Variants in IKZF2 observed in about 807,000 individuals in gnomAD.
The protein encoded by IKZF2 is zinc finger protein Helios.
A neutral mutation model predicts 49.2 loss-of-function variants in IKZF2; 15 were observed. That is an observed-to-expected ratio of 0.30 (90% confidence interval 0.20 to 0.47). IKZF2 has a LOEUF of 0.47. Among genes scored for constraint, IKZF2 ranks in the 20% least tolerant of loss-of-function variants. The pLI, the probability that IKZF2 is intolerant of heterozygous loss-of-function variation, is 1.00. For synonymous variants in IKZF2, 227 were observed against 221.4 expected (o/e 1.03, Z -0.23); for missense variants, 567 against 664.6 (o/e 0.85, Z 1.61).
intron 6 of IKZF2, among the ~76,000 whole-genome samples, chr2:213,043,564 C>T (rs903897881): frequency 6.6e-6 from 1 of 152,162 alleles, no homozygotes; most frequent in Non-Finnish European, 1.5e-5. Flanking sequence ...AGTTCCCAAC[C>T]TTTTCACCAC....
At chr2:213,089,221 C>G (rs1481403301) in intron 4 of IKZF2, among the ~76,000 whole-genome samples, 1 of 152,188 alleles carries the variant, frequency 6.6e-6, no homozygotes, top group Admixed American at 6.5e-5. Flanking sequence ...TCACATGCCG[C>G]TTCCAATCCA....
At chr2:213,083,514 G>A (rs1272029615) in intron 4 of IKZF2, among the ~76,000 whole-genome samples, 2 of 144,772 alleles carry the variant, frequency 1.4e-5, no homozygotes, top group Non-Finnish European at 3.0e-5. Flanking sequence ...CCTCAGCCTA[G>A]CTGGGATTAC....
intron 8 of IKZF2, among the ~76,000 whole-genome samples, chr2:213,008,736 C>A (rs1339355140): frequency 6.6e-6 from 1 of 151,998 alleles, no homozygotes; most frequent in African/African-American, 2.4e-5. Context: ...AAGTCAGAGA[C>A]TATGCTTGAT....
At chr2:213,120,924 T>C (rs1222177252) in intron 4 of IKZF2, among the ~76,000 whole-genome samples, 2 of 152,154 alleles carry the variant, frequency 1.3e-5, no homozygotes, top group Non-Finnish European at 2.9e-5. Context: ...GTATTTTTTG[T>C]AGAGACAGGG....
At chr2:213,144,824 C>T (rs1428176920) in intron 4 of IKZF2, among the ~76,000 whole-genome samples, 1 of 151,876 alleles carries the variant, frequency 6.6e-6, no homozygotes, top group Non-Finnish European at 1.5e-5. Context: ...AGGAAGTAGT[C>T]ATTATAAAAT....
intron 4 of IKZF2, among the ~76,000 whole-genome samples, chr2:213,084,659 T>A (rs1229727584): frequency 1.3e-5 from 2 of 152,040 alleles, no homozygotes; most frequent in African/African-American, 4.8e-5. Context: ...TTTCTGTTAC[T>A]ATTAAGTCCC....
At position 213,068,493 on chromosome 2, in the gene IKZF2, T is replaced by C. The variant is rs530746964; in HGVS notation, c.140-11394A>G. Among the ~76,000 whole-genome samples the C allele has an allele frequency of 1.0e-3, 153 of 152,236 alleles. 1 individual carries two copies. Among genetic ancestry groups the C allele is most frequent in the Admixed American group, 3.4e-3 (52 of 15,260 alleles). ...AGGATCTTAAGGTCCCTTCAATCTATGGTATCTATCTATGATTACAGAATA... is the reference window on the plus strand; with the variant it reads ...AGGATCTTAAGGTCCCTTCAATCTACGGTATCTATCTATGATTACAGAATA... On this transcript the variant is annotated intron_variant, in intron 4 of 8. Coordinates refer to ENST00000434687, the MANE Select transcript of IKZF2 (RefSeq NM_001387220.1).
chr2:213,146,624 GT>G (rs2061069522), intron 4 of IKZF2, among the ~76,000 whole-genome samples: 1 of 151,816 alleles, frequency 6.6e-6, no homozygotes, highest in Non-Finnish European at 1.5e-5. Flanking sequence ...TAAGCTTGCA[GT>G]TTTATAATAA....
Position 213,151,492 on chromosome 2 carries a change from T to C in IKZF2, c.-199A>G, listed in dbSNP as rs1214284229. 6.6e-6 allele frequency: 1 copy of C among 152,642 alleles called. No homozygotes were observed. The highest frequency in any genetic ancestry group is 1.5e-5 in the Non-Finnish European group (1 of 68,070). 9.5% of individuals were successfully genotyped at this position (152,642 alleles called of 1,614,324 possible). ...TTAATGTGTCCTCTGTCTTTCTTTC[T>C]TTCCTGTGCCTAACGTGTGTTTGTG... On this transcript the variant is annotated 5_prime_UTR_variant, in exon 1 of 9. Transcript: ENST00000434687.
At chr2:213,145,072 C>T (rs1057383068) in intron 4 of IKZF2, among the ~76,000 whole-genome samples, 2 of 151,552 alleles carry the variant, frequency 1.3e-5, no homozygotes, top group African/African-American at 4.8e-5. Context: ...TAAACAAATG[C>T]TGGGACCTTA....
intron 4 of IKZF2, among the ~76,000 whole-genome samples, chr2:213,124,262 A>ACTCGCGCGCGCG (rs2060174825): frequency 1.1e-5 from 1 of 92,304 alleles, no homozygotes; most frequent in South Asian, 3.4e-4. Context: ...GCACACACAC[A>ACTCGCGCGCGCG]CACACACACA....
intron 4 of IKZF2, among the ~76,000 whole-genome samples, chr2:213,091,175 T>C (rs1705284173): frequency 6.6e-6 from 1 of 152,136 alleles, no homozygotes; most frequent in Non-Finnish European, 1.5e-5. Context: ...CCAATTAAAA[T>C]TGGAAGGTAA....
At chr2:213,047,320 G>A (rs1297906900) in intron 6 of IKZF2, among the ~76,000 whole-genome samples, 1 of 152,082 alleles carries the variant, frequency 6.6e-6, no homozygotes, top group Non-Finnish European at 1.5e-5. Flanking sequence ...TACATGGAGT[G>A]GTGAAATGGC....
chr2:213,032,427 C>T (rs1249546481), intron 6 of IKZF2, among the ~76,000 whole-genome samples: 3 of 152,040 alleles, frequency 2.0e-5, no homozygotes, highest in African/African-American at 4.8e-5. Context: ...TTTAAAAATA[C>T]TTTGCTGCTA....
At chr2:213,038,259 C>T (rs1352774676) in intron 6 of IKZF2, among the ~76,000 whole-genome samples, 2 of 152,082 alleles carry the variant, frequency 1.3e-5, no homozygotes, top group Non-Finnish European at 2.9e-5. Flanking sequence ...CGGGGTTTCA[C>T]CGTGTTAGCC....
intron 4 of IKZF2, among the ~76,000 whole-genome samples, chr2:213,138,392 C>T (rs911926761): frequency 1.3e-5 from 2 of 151,902 alleles, no homozygotes; most frequent in African/African-American, 4.8e-5. Context: ...CAGAGTGAGA[C>T]ATTATAAAAA....
intron 5 of IKZF2, among the ~76,000 whole-genome samples, chr2:213,051,233 C>A (rs1032501999): frequency 6.6e-6 from 1 of 151,852 alleles, no homozygotes; most frequent in African/African-American, 2.4e-5. Flanking sequence ...ATTGAAAATT[C>A]TATCATATAG....
intron 4 of IKZF2, among the ~76,000 whole-genome samples, chr2:213,096,367 A>G (rs1260565742): frequency 1.3e-5 from 2 of 151,996 alleles, no homozygotes; most frequent in African/African-American, 4.8e-5. Context: ...AGGTATTTAC[A>G]GAGATATTTA....
chr2:213,121,585 C>T (rs926084777), intron 4 of IKZF2, among the ~76,000 whole-genome samples: 1 of 152,096 alleles, frequency 6.6e-6, no homozygotes, highest in African/African-American at 2.4e-5. Flanking sequence ...AATACAAGGA[C>T]CATTATGAAA....
Sources: gnomAD v4.1 joint callset for allele counts (sites outside exome capture counted in the v4.1 genomes callset) on GRCh38, gnomAD v4.1.1 for gene constraint, MANE v1.5 for transcripts, NCBI Gene and HGNC (gene_info 2026-07-23, HGNC 2026-07-21) for gene names.